ANKRD12: variants seen among roughly 807,000 people sequenced by gnomAD.
ANKRD12 encodes the protein ankyrin repeat domain 12.
Under a neutral mutation model 183.4 loss-of-function variants are expected in ANKRD12, and 85 were observed. That is an observed-to-expected ratio of 0.46 (90% CI 0.39 to 0.56). The LOEUF (loss-of-function observed/expected upper bound fraction) is 0.56. Ranked by LOEUF, ANKRD12 falls within the 20% of genes least tolerant of loss-of-function variation. The probability of loss-of-function intolerance (pLI) is 0.00; values close to 1 mark genes in which losing one functional copy is unlikely to be tolerated. For synonymous variants in ANKRD12, 914 were observed against 800.2 expected (o/e 1.14, Z -2.40); for missense variants, 2,405 against 2,357.1 (o/e 1.02, Z -0.42).
chr18:9,149,016 A>G (rs1055457370), intron 1 of ANKRD12, among the ~76,000 whole-genome samples: 2 of 151,888 alleles, frequency 1.3e-5, no homozygotes, highest in African/African-American at 4.8e-5. Flanking sequence ...TCCTCCTCCC[A>G]CACCAGCCCC....
chr18:9,157,467 A>G (rs2030663136), intron 1 of ANKRD12, among the ~76,000 whole-genome samples: 1 of 151,852 alleles, frequency 6.6e-6, no homozygotes, highest in South Asian at 2.1e-4. Flanking sequence ...TATAAAGTCC[A>G]AATATTGTAA....
At chr18:9,196,925 G>A (rs2034867023) in intron 3 of ANKRD12, among the ~76,000 whole-genome samples, 1 of 152,000 alleles carries the variant, frequency 6.6e-6, no homozygotes, top group South Asian at 2.1e-4. Flanking sequence ...GGGTGCTTAT[G>A]TGCCTTTGGG....
rs550680854 is a variant in ANKRD12 at position 9,147,030 on chromosome 18, CTTTA to C, written c.-52+10072_-52+10075del. Among the ~76,000 whole-genome samples, 23 of 152,278 alleles carry C rather than the reference CTTTA, an allele frequency of 1.5e-4. No individual in the cohort carries two copies. In the South Asian group the frequency reaches 4.6e-3, roughly 30 times the overall value. On this transcript the variant is annotated intron_variant, in intron 1 of 12. Coordinates refer to ENST00000262126, the MANE Select transcript of ANKRD12 (RefSeq NM_015208.5). ...TGATGTTGTATGTAAGTTAGAAATA[CTTTA>C]TTTATTACTTGGATTGCTGTCTTGT...
At chr18:9,219,262 T>A (rs908127092) in intron 7 of ANKRD12, among the ~76,000 whole-genome samples, 1 of 152,184 alleles carries the variant, frequency 6.6e-6, no homozygotes, top group Non-Finnish European at 1.5e-5. Context: ...TATTCTGTTT[T>A]CTCATTCTAG....
At chr18:9,146,348 G>A (rs954405239) in intron 1 of ANKRD12, among the ~76,000 whole-genome samples, 2 of 152,038 alleles carry the variant, frequency 1.3e-5, no homozygotes, top group African/African-American at 4.8e-5. Flanking sequence ...AGGAACATGA[G>A]TTTGAGCCCA....
chr18:9,174,724 T>C (rs146403266), intron 1 of ANKRD12, among the ~76,000 whole-genome samples: 1 of 152,294 alleles, frequency 6.6e-6, no homozygotes, highest in African/African-American at 2.4e-5. Flanking sequence ...GACATTTCAT[T>C]TGAAGGTGCT....
intron 1 of ANKRD12, among the ~76,000 whole-genome samples, chr18:9,152,676 CT>C (rs2078721724): frequency 6.6e-6 from 1 of 151,788 alleles, no homozygotes; most frequent in South Asian, 2.1e-4. Flanking sequence ...TTTTTTCTGC[CT>C]TCTGTCACAT....
At chr18:9,233,967 C>T (rs1445007504) in intron 8 of ANKRD12, among the ~76,000 whole-genome samples, 1 of 152,100 alleles carries the variant, frequency 6.6e-6, no homozygotes, top group East Asian at 1.9e-4. Flanking sequence ...CAGGTCCCAG[C>T]GTGGTAGGGG....
chr18:9,208,711 C>G lies in ANKRD12; in HGVS notation c.359C>G (p.Ser120Cys). ...KTKKEAGNKK[S>C]TPVSILFGYP... Reference sequence around the variant, plus strand: ...AAAAAGGAAGCTGGAAATAAGAAATCCACACCAGTTAGCATTCTTTTTGGT... The same window carrying G: ...AAAAAGGAAGCTGGAAATAAGAAATGCACACCAGTTAGCATTCTTTTTGGT... Residue 120 changes from serine (S) to cysteine (C), a missense_variant, in exon 5 of 13, where the codon TCC (serine) becomes TGC (cysteine). Coordinates refer to ENST00000262126, the MANE Select transcript of ANKRD12 (RefSeq NM_015208.5). The G allele has an allele frequency of 6.2e-7, 1 of 1,610,734 alleles. No individual in the cohort carries two copies.
At chr18:9,170,878 T>C (rs1183823363) in intron 1 of ANKRD12, among the ~76,000 whole-genome samples, 1 of 152,006 alleles carries the variant, frequency 6.6e-6, no homozygotes, top group African/African-American at 2.4e-5. Context: ...TACAGATGGG[T>C]TTTTGGTGTG....
At chr18:9,142,243 T>C (rs1255893031) in intron 1 of ANKRD12, among the ~76,000 whole-genome samples, 3 of 152,172 alleles carry the variant, frequency 2.0e-5, no homozygotes, top group African/African-American at 4.8e-5. Context: ...AAAAGAAAAA[T>C]AGTAACTTAA....
Position 9,195,539 on chromosome 18 carries a change from A to G in ANKRD12, c.88-12A>G. On this transcript the variant is annotated splice_polypyrimidine_tract_variant and intron_variant, in intron 2 of 12. Transcript: ENST00000262126. Reference sequence around the variant, plus strand: ...TATTGATATAACTTTACTCTATTTGACTTTTTAATAGAGTAAAGACAAGAT... The same window carrying G: ...TATTGATATAACTTTACTCTATTTGGCTTTTTAATAGAGTAAAGACAAGAT... 1 of 1,578,468 alleles carries G rather than the reference A, an allele frequency of 6.3e-7. No homozygotes were observed. The highest frequency in any genetic ancestry group is 1.4e-5 in the African/African-American group (1 of 73,540).
intron 1 of ANKRD12, among the ~76,000 whole-genome samples, chr18:9,167,412 C>T (rs1238301828): frequency 6.6e-5 from 10 of 152,100 alleles, no homozygotes; most frequent in Non-Finnish European, 2.9e-5. Context: ...GTTTGTAGTT[C>T]TCCTTGAAGA....
At chr18:9,206,000 G>T (rs1390394142) in intron 4 of ANKRD12, among the ~76,000 whole-genome samples, 1 of 151,928 alleles carries the variant, frequency 6.6e-6, no homozygotes, top group Non-Finnish European at 1.5e-5. Context: ...ATTTATTCTG[G>T]CAAGACCTAA....
intron 8 of ANKRD12, among the ~76,000 whole-genome samples, chr18:9,237,526 GTA>G (rs1487824437): frequency 2.0e-5 from 3 of 152,190 alleles, no homozygotes; most frequent in Non-Finnish European, 2.9e-5. Flanking sequence ...TTAAATCAAT[GTA>G]TAGCCTCACC....
chr18:9,233,006 C>T (rs888244706), intron 8 of ANKRD12, among the ~76,000 whole-genome samples: 10 of 151,846 alleles, frequency 6.6e-5, no homozygotes, highest in South Asian at 2.1e-4. Context: ...TGCACCACCA[C>T]GCCTGGATAA....
chr18:9,231,967 A>G (rs2037079139), intron 8 of ANKRD12, among the ~76,000 whole-genome samples: 1 of 152,094 alleles, frequency 6.6e-6, no homozygotes, highest in African/African-American at 2.4e-5. Flanking sequence ...CTTATAGGCA[A>G]CATATAGTTG....
chr18:9,146,812 AGTT>A (rs1449053301), intron 1 of ANKRD12, among the ~76,000 whole-genome samples: 1 of 152,218 alleles, frequency 6.6e-6, no homozygotes, highest in Non-Finnish European at 1.5e-5. Context: ...TGGAATATAC[AGTT>A]GTTCTGAAAT....
At chr18:9,278,556 T>C (rs113603266) in intron 11 of ANKRD12, among the ~76,000 whole-genome samples, 11,194 of 152,258 alleles carry the variant, frequency 0.074, 426 homozygotes, top group African/African-American at 0.082. Context: ...CCCAGCACTT[T>C]GGAAGGCAGA....
Sources: gnomAD v4.1 joint callset for allele counts (sites outside exome capture counted in the v4.1 genomes callset) on GRCh38, gnomAD v4.1.1 for gene constraint, MANE v1.5 for transcripts, NCBI Gene and HGNC (gene_info 2026-07-23, HGNC 2026-07-21) for gene names.